Variants in CRY2 observed in about 807,000 individuals in gnomAD.
The protein encoded by CRY2 is cryptochrome-2.
CRY2 carries 31 observed loss-of-function variants against 69.5 expected under a neutral mutation model. That is an observed-to-expected ratio of 0.45 (90% CI 0.34 to 0.60). CRY2 has a LOEUF of 0.60. Among genes scored for constraint, CRY2 ranks in the 20% least tolerant of loss-of-function variants. The probability of loss-of-function intolerance (pLI) is 0.02; values close to 1 mark genes in which losing one functional copy is unlikely to be tolerated. For synonymous variants in CRY2, 303 were observed against 312.2 expected (o/e 0.97, Z 0.31); for missense variants, 606 against 797.8 (o/e 0.76, Z 2.90).
chr11:45,853,307 CATT>C (rs1472147060), intron 1 of CRY2, among the ~76,000 whole-genome samples: 2 of 152,158 alleles, frequency 1.3e-5, no homozygotes, highest in African/African-American at 4.8e-5. Context: ...CCATTATTAT[CATT>C]ATTTTTATTT....
At chr11:45,860,739 G>T in intron 3 of CRY2, 109 bp from the exon 4 acceptor site, 1 of 1,258,684 alleles carries the variant, frequency 7.9e-7, no homozygotes, top group Non-Finnish European at 1.1e-6. Flanking sequence ...GTGAGTGGAT[G>T]AGGAAAGCCA....
rs1401787340 is a variant in CRY2, at chr11:45,858,363, C to CTG, written c.325-365_325-364dup. 7.6e-5 allele frequency: 15 copies of CTG among 196,486 alleles called. No homozygotes were observed. In the East Asian group the frequency reaches 1.5e-3, roughly 19 times the overall value. 12.2% of individuals were successfully genotyped at this position (196,486 alleles called of 1,614,324 possible). ...AAAAGCTTGCTGAGCAGGCAGAAGG[C>CTG]TGTGGTCCTGTCCCACCTGTGAGTC... On this transcript the variant is annotated intron_variant, in intron 2 of 11. Coordinates refer to ENST00000616080, the MANE Select transcript of CRY2 (RefSeq NM_021117.5).
At chr11:45,871,013 G>A (rs1325437670) in intron 10 of CRY2, 79 bp downstream of exon 10, 1 of 1,246,862 alleles carries the variant, frequency 8.0e-7, no homozygotes, top group African/African-American at 1.5e-5. Context: ...GAGGCCAGAA[G>A]GAGGCCTTGC....
intron 5 of CRY2, among the ~76,000 whole-genome samples, chr11:45,865,571 A>G (rs2086324529): frequency 1.3e-5 from 2 of 152,208 alleles, no homozygotes; most frequent in African/African-American, 4.8e-5. Flanking sequence ...ACTTGAAGGA[A>G]GAGTCTCAGT....
intron 2 of CRY2, 44 bp downstream of exon 2, chr11:45,856,134 T>G (rs774457567): frequency 4.7e-6 from 7 of 1,486,390 alleles, no homozygotes; most frequent in Non-Finnish European, 6.6e-6. Flanking sequence ...ATTCTGTCCC[T>G]GACGGTTTCC....
chr11:45,850,236 T>C (rs1161592179), intron 1 of CRY2, among the ~76,000 whole-genome samples: 1 of 151,964 alleles, frequency 6.6e-6, no homozygotes, highest in African/African-American at 2.4e-5. Flanking sequence ...CTTGAACTCA[T>C]GGGCTTAAGC....
intron 1 of CRY2, among the ~76,000 whole-genome samples, chr11:45,852,735 C>CTTTGT (rs1401151731): frequency 6.6e-6 from 1 of 152,218 alleles, no homozygotes; most frequent in Admixed American, 6.5e-5. Flanking sequence ...CAAAGAAAGG[C>CTTTGT]AACTTGTAAC....
intron 5 of CRY2, among the ~76,000 whole-genome samples, chr11:45,863,868 A>G (rs1463145625): frequency 1.3e-5 from 2 of 152,122 alleles, no homozygotes; most frequent in Non-Finnish European, 1.5e-5. Flanking sequence ...GGAATATGAG[A>G]TGCTGTTACT....
At chr11:45,863,711 T>C (rs921176173) in intron 5 of CRY2, among the ~76,000 whole-genome samples, 10 of 151,774 alleles carry the variant, frequency 6.6e-5, no homozygotes, top group Non-Finnish European at 1.3e-4. Flanking sequence ...CATGTGACTG[T>C]CCCTGACTCA....
At chr11:45,868,919 CA>C (rs1486139134) in intron 6 of CRY2, among the ~76,000 whole-genome samples, 2 of 152,202 alleles carry the variant, frequency 1.3e-5, no homozygotes, top group Non-Finnish European at 2.9e-5. Context: ...CTAGCCACCA[CA>C]CCTGGCTGTA....
At chr11:45,848,977 G>C (rs147503117) in intron 1 of CRY2, among the ~76,000 whole-genome samples, 106 of 152,254 alleles carry the variant, frequency 7.0e-4, no homozygotes, top group African/African-American at 2.4e-3. Context: ...AGGAGGTTGG[G>C]TTTGACAAGC....
chr11:45,862,035 T>C, intron 4 of CRY2, 25 bp from the exon 5 acceptor site: 1 of 1,604,044 alleles, frequency 6.2e-7, no homozygotes, highest in Non-Finnish European at 8.5e-7. Context: ...AAACCTCCTG[T>C]CTTGTGACCT....
chr11:45,858,720 T>C lies in CRY2; in HGVS notation c.325-11T>C, dbSNP rs1303730431. The C allele has an allele frequency of 6.2e-7, 1 of 1,611,378 alleles. No homozygotes were observed. Reference sequence around the variant, plus strand: ...ACACAGTGTTGAGCATAACAGATCCTCTCCCCACAGGAATGGGGAGTGACC... The same window carrying C: ...ACACAGTGTTGAGCATAACAGATCCCCTCCCCACAGGAATGGGGAGTGACC... On this transcript the variant is annotated splice_polypyrimidine_tract_variant and intron_variant, in intron 2 of 11. Transcript: ENST00000616080.
intron 1 of CRY2, among the ~76,000 whole-genome samples, chr11:45,850,119 C>T (rs193172950): frequency 6.6e-6 from 1 of 152,106 alleles, no homozygotes; most frequent in East Asian, 1.9e-4. Flanking sequence ...AGCGATCCTC[C>T]TGCCTTAGCC....
At chr11:45,874,507 C>T (rs1046627373) in intron 11 of CRY2, among the ~76,000 whole-genome samples, 17 of 152,142 alleles carry the variant, frequency 1.1e-4, no homozygotes, top group African/African-American at 4.1e-4. Context: ...GCACTCCTTC[C>T]GTACACATGT....
chr11:45,847,777 C>T, intron 1 of CRY2, 72 bp downstream of exon 1: 2 of 1,466,554 alleles, frequency 1.4e-6, no homozygotes, highest in Non-Finnish European at 9.1e-7. Flanking sequence ...GCGAACAGCA[C>T]GATCCCCCCA....
intron 11 of CRY2, among the ~76,000 whole-genome samples, chr11:45,875,427 T>C (rs1042715036): frequency 1.3e-5 from 2 of 152,136 alleles, no homozygotes; most frequent in Non-Finnish European, 2.9e-5. Flanking sequence ...GAATTAGGCA[T>C]TGGGCTGGGA....
Position 45,881,455 on chromosome 11 carries a change from C to T in CRY2, c.*544C>T, listed in dbSNP as rs905202358. ...GATGGATGCTGTCCAGACGTAGCCA[C>T]CTGGCCTCTGTTTCTTATTTTAAAA... On this transcript the variant is annotated 3_prime_UTR_variant, in exon 12 of 12. Transcript: ENST00000616080. 1.3e-5 allele frequency: 2 copies of T among 152,624 alleles called. No homozygotes were observed. Among genetic ancestry groups the T allele is most frequent in the Non-Finnish European group, 1.5e-5 (1 of 68,090 alleles). 9.5% of individuals were successfully genotyped at this position (152,624 alleles called of 1,614,324 possible). A position where few individuals can be genotyped will look rare whatever the true frequency, so the allele number is the denominator to read the frequency against.
chr11:45,850,658 C>T (rs575554665), intron 1 of CRY2, among the ~76,000 whole-genome samples: 11 of 152,208 alleles, frequency 7.2e-5, no homozygotes, highest in Admixed American at 2.0e-4. Context: ...GTAATCGTCC[C>T]GTGGTTGTTT....
Sources: gnomAD v4.1 joint callset for allele counts (sites outside exome capture counted in the v4.1 genomes callset) on GRCh38, gnomAD v4.1.1 for gene constraint, MANE v1.5 for transcripts, NCBI Gene and HGNC (gene_info 2026-07-23, HGNC 2026-07-21) for gene names.